The following BICRA variants were observed in gnomAD, a reference collection of about 807,000 sequenced individuals.
BICRA encodes BRD4-interacting chromatin-remodeling complex-associated protein.
A neutral mutation model predicts 96.9 loss-of-function variants in BICRA; 31 were observed. That is an observed-to-expected ratio of 0.32 (90% CI 0.24 to 0.43). The LOEUF (loss-of-function observed/expected upper bound fraction) is 0.43, where lower values mean the gene tolerates loss of function less well. Ranked by LOEUF, BICRA falls within the 20% of genes least tolerant of loss-of-function variation. The probability of loss-of-function intolerance (pLI) is 1.00; values close to 1 mark genes in which losing one functional copy is unlikely to be tolerated. For synonymous variants in BICRA, 1,350 were observed against 1,071.8 expected, an observed-to-expected ratio of 1.26 and a Z score of -5.07; for missense variants, 2,283 against 2,190.3, an observed-to-expected ratio of 1.04 and a Z score of -0.84.
intron 1 of BICRA, among the ~76,000 whole-genome samples, chr19:47,635,894 T>G (rs1003469158): frequency 3.9e-5 from 6 of 152,220 alleles, no homozygotes; most frequent in Non-Finnish European, 8.8e-5. Flanking sequence ...AACTACAAGT[T>G]GAGCATCCCC....
intron 11 of BICRA, among the ~76,000 whole-genome samples, chr19:47,697,356 G>A (rs571971851): frequency 6.6e-6 from 1 of 151,458 alleles, no homozygotes; most frequent in East Asian, 2.0e-4. Flanking sequence ...TCATGCCATT[G>A]CACTTCAGCC....
chr19:47,689,236 C>T (rs1973204506), intron 7 of BICRA, among the ~76,000 whole-genome samples: 1 of 152,128 alleles, frequency 6.6e-6, no homozygotes, highest in African/African-American at 2.4e-5. Context: ...TTAAATAAGT[C>T]ATTTTATTCA....
Position 47,699,092 on chromosome 19 carries a change from C to T in BICRA, c.3492+33C>T. On this transcript the variant is annotated intron_variant, in intron 13 of 14. Coordinates refer to ENST00000594866, the MANE Select transcript of BICRA (RefSeq NM_001394372.1). This position sits in a 1 kb window ranked among gnomAD's most constrained non-coding sequence, Gnocchi z 5.0. ...CAGAGTCGCCTTCCTCGCCTCTGGG[C>T]TCCTCCTCGCTGGGACACTGCCCCT... is the stretch of plus-strand genomic sequence containing the variant. 7.3e-7 allele frequency: 1 copy of T among 1,364,734 alleles called. No individual in the cohort carries two copies. The highest frequency in any genetic ancestry group is 1.0e-6 in the Non-Finnish European group (1 of 979,554). The allele number at this position is 1,364,734 out of a possible 1,614,324, so 84.5% of individuals were successfully genotyped here. A position where few individuals can be genotyped will look rare whatever the true frequency, so the allele number is the denominator to read the frequency against.
In BICRA at chr19:47,617,285, A is replaced by C. The variant is rs1348089077; in HGVS notation, c.-108+8117A>C. 2.0e-5 allele frequency among the ~76,000 whole-genome samples: 3 copies of C among 151,506 alleles called. No homozygotes were observed. The East Asian group carries it at 5.9e-4, about 30-fold the overall frequency. Reference sequence around the variant, plus strand: ...CAACTGCACCTGGCCGTCTTTGTTTATTATTATTTTGTTTTCTTTTTTCTT... The same window carrying C: ...CAACTGCACCTGGCCGTCTTTGTTTCTTATTATTTTGTTTTCTTTTTTCTT... On this transcript the variant is annotated intron_variant, in intron 1 of 14. Transcript: ENST00000594866.
chr19:47,701,999 G>A lies in BICRA; in HGVS notation c.4267G>A (p.Glu1423Lys), dbSNP rs1184099817. 7 of 1,484,556 alleles carry A rather than the reference G, an allele frequency of 4.7e-6. No homozygotes were observed. Among genetic ancestry groups the A allele is most frequent in the South Asian group, 1.3e-5 (1 of 78,670 alleles). The allele number at this position is 1,484,556 out of a possible 1,614,324, so 92.0% of individuals were successfully genotyped here. Residue 1423 changes from glutamate (E) to lysine (K), a missense_variant, in exon 15 of 15, where the codon GAG (glutamate) becomes AAG (lysine). Coordinates refer to ENST00000594866, the MANE Select transcript of BICRA (RefSeq NM_001394372.1). This position sits in a 1 kb window ranked among gnomAD's most constrained non-coding sequence, Gnocchi z 5.4. ...GGCGCCGCTGCCCGCCAAAGTGGAC[G>A]AGGCCACCAGCGGGCTCATCCGCGA... The part of the protein sequence containing the change: ...SPAPLPAKVD[E>K]ATSGLIRELA...
chr19:47,676,865 C>T (rs771749762), intron 5 of BICRA, among the ~76,000 whole-genome samples: 2 of 151,734 alleles, frequency 1.3e-5, no homozygotes, highest in East Asian at 1.9e-4. Flanking sequence ...TTTTGTATAC[C>T]CTAAGATCCC....
chr19:47,681,231 C>G lies in BICRA; in HGVS notation c.2061C>G (p.Pro687=). ...IVLGQPPSAT[P]TAILTQDSLQ... ...TGGGGCAGCCGCCCTCTGCCACCCC[C>G]ACGGCCATCCTCACTCAGGACTCCC... Residue 687 remains proline (P), a synonymous_variant, in exon 6 of 15, where the codon CCC becomes CCG. Transcript: ENST00000594866. 3 of 1,537,102 alleles carry G rather than the reference C, an allele frequency of 2.0e-6. No homozygotes were observed. Among genetic ancestry groups the G allele is most frequent in the East Asian group, 2.4e-5 (1 of 41,068 alleles).
chr19:47,701,591 G>C lies in BICRA; in HGVS notation c.3859G>C (p.Gly1287Arg), dbSNP rs1402566668. 3 of 1,557,414 alleles carry C rather than the reference G, an allele frequency of 1.9e-6. No homozygotes were observed. The highest frequency in any genetic ancestry group is 2.4e-5 in the East Asian group (1 of 41,370). Residue 1287 changes from glycine (G) to arginine (R), a missense_variant, in exon 15 of 15, where the codon GGC (glycine) becomes CGC (arginine). By Grantham distance (125) the Gly-to-Arg change is moderately radical. Coordinates refer to ENST00000594866, the MANE Select transcript of BICRA (RefSeq NM_001394372.1). This position sits in a 1 kb window ranked among gnomAD's most constrained non-coding sequence, Gnocchi z 5.4. ...CTCCTCCTTGGACGCCGACGAGGAC[G>C]GCCCCATGCCCTCCCGCAACCGCCC... ...AASSLDADED[G>R]PMPSRNRPPI...
At chr19:47,636,621 C>T (rs1284130845) in intron 1 of BICRA, among the ~76,000 whole-genome samples, 1 of 152,146 alleles carries the variant, frequency 6.6e-6, no homozygotes, top group African/African-American at 2.4e-5. Flanking sequence ...GATTCTCCTG[C>T]CTCCACCACC....
chr19:47,625,358 G>A lies in BICRA; in HGVS notation c.-108+16190G>A, dbSNP rs117142611. ...GGTGCCCAGGCTGGATTGCGGTGGCGTGATTGTGGTTCACTGTGGCCTCCA... is the reference window on the plus strand; with the variant it reads ...GGTGCCCAGGCTGGATTGCGGTGGCATGATTGTGGTTCACTGTGGCCTCCA... On this transcript the variant is annotated intron_variant, in intron 1 of 14. Coordinates refer to ENST00000594866, the MANE Select transcript of BICRA (RefSeq NM_001394372.1). Among the ~76,000 whole-genome samples, 1,177 of 150,762 alleles carry A rather than the reference G, an allele frequency of 7.8e-3. 7 individuals are homozygous for A. The highest frequency in any genetic ancestry group is 0.011 in the Non-Finnish European group (763 of 67,814).
chr19:47,639,532 T>C (rs536624645), intron 1 of BICRA, among the ~76,000 whole-genome samples: 2 of 151,570 alleles, frequency 1.3e-5, no homozygotes, highest in Admixed American at 1.3e-4. Flanking sequence ...GGTTTCACCG[T>C]GTTAGCTAGG....
At chr19:47,626,937 G>T (rs189257321) in intron 1 of BICRA, among the ~76,000 whole-genome samples, 1 of 151,924 alleles carries the variant, frequency 6.6e-6, no homozygotes, top group African/African-American at 2.4e-5. Context: ...AGTCAGGCTC[G>T]TCTTGAACTC....
chr19:47,643,890 G>C (rs966377396), intron 1 of BICRA, among the ~76,000 whole-genome samples: 2 of 152,164 alleles, frequency 1.3e-5, no homozygotes, highest in Non-Finnish European at 1.5e-5. Flanking sequence ...GGTTAATTCT[G>C]TTCCGATGTC....
chr19:47,609,612 C>G (rs1244294112), intron 1 of BICRA, among the ~76,000 whole-genome samples: 1 of 151,654 alleles, frequency 6.6e-6, no homozygotes, highest in African/African-American at 2.4e-5. Context: ...CGCGGAGACC[C>G]CCTCCCCGTC....
Position 47,644,436 on chromosome 19 carries a change from CTTCCTCCCTCCCTCCCTCCT to C in BICRA, c.-107-26005_-107-25986del, listed in dbSNP as rs1258483756. On this transcript the variant is annotated intron_variant, in intron 1 of 14. Coordinates refer to ENST00000594866, the MANE Select transcript of BICRA (RefSeq NM_001394372.1). ...CCTTCCTTGCTTCCTCCCTCCCTCC[CTTCCTCCCTCCCTCCCTCCT>C]TCCCCTCCCCTTTCCCTACCCCTTC... Among the ~76,000 whole-genome samples the C allele has an allele frequency of 1.5e-4, 21 of 142,930 alleles. No homozygotes were observed. The East Asian group carries it at 4.1e-3, about 28-fold the overall frequency. The allele number at this position is 142,930 out of a possible 152,430, so 93.8% of individuals were successfully genotyped here. A position where few individuals can be genotyped will look rare whatever the true frequency, so the allele number is the denominator to read the frequency against.
Position 47,702,219 on chromosome 19 carries a change from C to T in BICRA, c.4487C>T (p.Thr1496Met). The change falls in exon 15 of 15, where the codon ACG (threonine) becomes ATG (methionine). Residue 1496 changes from threonine to methionine, a missense_variant. Transcript: ENST00000594866. Reference sequence around the variant, plus strand: ...TCCAGCGACAGCCCGCAGGATGACACGCTCACCGAGCACCTGCAGAGCGCC... The same window carrying T: ...TCCAGCGACAGCCCGCAGGATGACATGCTCACCGAGCACCTGCAGAGCGCC... Reference protein sequence around the residue: ...SFSSDSPQDDTLTEHLQSAID... With the variant: ...SFSSDSPQDDMLTEHLQSAID... 2 of 1,598,552 alleles carry T rather than the reference C, an allele frequency of 1.3e-6. No individual in the cohort carries two copies. Among genetic ancestry groups the T allele is most frequent in the Non-Finnish European group, 1.7e-6 (2 of 1,177,538 alleles).
chr19:47,630,580 T>C (rs1972207869), intron 1 of BICRA, among the ~76,000 whole-genome samples: 1 of 152,216 alleles, frequency 6.6e-6, no homozygotes. Context: ...TTGTAGCATG[T>C]ATCAGAATTC....
chr19:47,697,179 G>T (rs1216915607), intron 11 of BICRA, among the ~76,000 whole-genome samples: 4 of 151,952 alleles, frequency 2.6e-5, no homozygotes, highest in Non-Finnish European at 4.4e-5. Flanking sequence ...GCTAATTTTT[G>T]TATTTTTAGT....
intron 1 of BICRA, among the ~76,000 whole-genome samples, chr19:47,618,766 C>T (rs570816481): frequency 6.6e-6 from 1 of 152,312 alleles, no homozygotes; most frequent in South Asian, 2.1e-4. Flanking sequence ...CTGTGAGACC[C>T]TTGCTAAAGA....
Sources: allele counts gnomAD v4.1 joint callset (sites outside exome capture counted in the v4.1 genomes callset), GRCh38; gene constraint gnomAD v4.1.1; non-coding constraint Gnocchi (gnomAD v3.1); transcripts MANE v1.5; gene names NCBI Gene and HGNC (gene_info 2026-07-23, HGNC 2026-07-21).